The following PABPC1 variants were observed in gnomAD, a reference collection of about 807,000 sequenced individuals.
PABPC1 encodes poly(A) binding protein cytoplasmic 1, also known as polyadenylate-binding protein 1.
In PABPC1, 4 loss-of-function variants were observed where a neutral mutation model predicts 74.0. The ratio of observed to expected loss-of-function variants is 0.05; its 90% confidence interval spans 0.03 to 0.12. The LOEUF (loss-of-function observed/expected upper bound fraction) is 0.12, where lower values mean the gene tolerates loss of function less well. Ranked by LOEUF, PABPC1 falls within the 10% of genes least tolerant of loss-of-function variation. The pLI is 1.00. For synonymous variants in PABPC1, 227 were observed against 264.1 expected, an observed-to-expected ratio of 0.86 and a Z score of 1.36; for missense variants, 271 against 821.1, an observed-to-expected ratio of 0.33 and a Z score of 8.19.
intron 4 of PABPC1, among the ~76,000 whole-genome samples, chr8:100,715,158 C>CACATAT (rs1234644734): frequency 9.2e-5 from 7 of 76,218 alleles, no homozygotes; most frequent in African/African-American, 2.9e-4. Context: ...CACACACACA[C>CACATAT]ATATATATCT....
intron 7 of PABPC1, 46 bp downstream of exon 7, chr8:100,712,316 T>C: frequency 8.8e-7 from 1 of 1,138,140 alleles, no homozygotes; most frequent in Non-Finnish European, 1.3e-6. Flanking sequence ...TCTACATGTA[T>C]GAATTTTTAC....
Position 100,720,060 on chromosome 8 carries a change from G to A in PABPC1, c.193+1331C>T, listed in dbSNP as rs75211726. On this transcript the variant is annotated intron_variant, in intron 1 of 14. Coordinates refer to ENST00000318607, the MANE Select transcript of PABPC1 (RefSeq NM_002568.4). ...GTAACCTAAGTTCTACTGAATGAAT[G>A]TTAATAGGAGCTTAAATTCCACCCT... 9.8e-4 allele frequency among the ~76,000 whole-genome samples: 149 copies of A among 152,300 alleles called. 1 individual carries two copies. Among genetic ancestry groups the A allele is most frequent in the African/African-American group, 3.5e-3 (146 of 41,548 alleles).
At chr8:100,704,765 C>G (rs891513462) in intron 13 of PABPC1, among the ~76,000 whole-genome samples, 161 bp downstream of exon 13, 2 of 152,208 alleles carry the variant, frequency 1.3e-5, no homozygotes, top group African/African-American at 4.8e-5. Context: ...GTTTACCTAT[C>G]TATAAAATGG....
At chr8:100,719,562 A>C (rs1810758639) in intron 1 of PABPC1, among the ~76,000 whole-genome samples, 1 of 152,248 alleles carries the variant, frequency 6.6e-6, no homozygotes. Context: ...TAAATTGTAC[A>C]TACAGAAACT....
chr8:100,713,367 A>G (rs1223923645), intron 4 of PABPC1, among the ~76,000 whole-genome samples, 186 bp from the exon 5 acceptor site: 1 of 152,226 alleles, frequency 6.6e-6, no homozygotes, highest in Non-Finnish European at 1.5e-5. Context: ...TTAAGAAGGT[A>G]AACACCTTCC....
In PABPC1 at chr8:100,721,500, G is replaced by A; in HGVS notation, c.84C>T (p.Tyr28=). Residue 28 remains tyrosine, a synonymous_variant, in exon 1 of 15, where the codon TAC becomes TAT. Coordinates refer to ENST00000318607, the MANE Select transcript of PABPC1 (RefSeq NM_002568.4). The surrounding 1 kb of genome is among the most constrained non-coding windows in gnomAD (Gnocchi z 7.4). ...LHPDVTEAML[Y]EKFSPAGPIL... is the part of the protein sequence containing the mutation. ...TGGGCCCGGCCGGGCTGAACTTCTCGTAGAGCATCGCCTCGGTCACGTCGG... is the reference window on the plus strand; with the variant it reads ...TGGGCCCGGCCGGGCTGAACTTCTCATAGAGCATCGCCTCGGTCACGTCGG... 6 of 1,611,802 alleles carry A rather than the reference G, an allele frequency of 3.7e-6. No homozygotes were observed. The highest frequency in any genetic ancestry group is 5.1e-6 in the Non-Finnish European group (6 of 1,178,818).
chr8:100,711,580 C>G (rs1027182385), intron 7 of PABPC1, among the ~76,000 whole-genome samples: 9 of 152,216 alleles, frequency 5.9e-5, no homozygotes, highest in African/African-American at 2.2e-4. Context: ...CAAAAACATT[C>G]AGGAATAAAT....
intron 1 of PABPC1, among the ~76,000 whole-genome samples, chr8:100,718,955 A>G (rs1031348446): frequency 2.0e-5 from 3 of 152,210 alleles, no homozygotes; most frequent in African/African-American, 7.2e-5. Flanking sequence ...GAATTTTAAA[A>G]ACACCAGGTC....
rs1810463861 is a variant in PABPC1 at position 100,709,200 on chromosome 8, A to G, written c.1269T>C (p.Tyr423=). 1 of 1,614,154 alleles carries G rather than the reference A, an allele frequency of 6.2e-7. No individual in the cohort carries two copies. Among genetic ancestry groups the G allele is most frequent in the East Asian group, 2.2e-5 (1 of 44,884 alleles). The change falls in exon 9 of 15, where the codon TAT becomes TAC. Residue 423 remains tyrosine (Y), a synonymous_variant. Coordinates refer to ENST00000318607, the MANE Select transcript of PABPC1 (RefSeq NM_002568.4). ...IPQTQNRAAY[Y]PPSQIAQLRP... ...TTAGTTGAGCAATTTGGCTAGGAGG[A>G]TAGTATGCAGCACGGTTCTGAGTCT...
intron 4 of PABPC1, among the ~76,000 whole-genome samples, 155 bp downstream of exon 4, chr8:100,715,307 A>G (rs1038933680): frequency 6.6e-6 from 1 of 152,258 alleles, no homozygotes; most frequent in Non-Finnish European, 1.5e-5. Flanking sequence ...GTAGTGTAAT[A>G]GATGGCCAGC....
At chr8:100,705,360 G>A (rs554044346) in intron 12 of PABPC1, among the ~76,000 whole-genome samples, 1 of 152,306 alleles carries the variant, frequency 6.6e-6, no homozygotes, top group South Asian at 2.1e-4. Context: ...AAAATGTAGT[G>A]AGGGCCCATG....
At chr8:100,707,292 T>TAAA in intron 9 of PABPC1, 1 of 244,776 alleles carries the variant, frequency 4.1e-6, no homozygotes, top group Non-Finnish European at 8.1e-6. Flanking sequence ...CACAGAGATT[T>TAAA]AAAAAAAAAA....
chr8:100,715,707 C>T (rs577630425), intron 3 of PABPC1, 106 bp from the exon 4 acceptor site: 7 of 721,588 alleles, frequency 9.7e-6, no homozygotes, highest in Admixed American at 3.3e-5. Context: ...TATTCAGAAT[C>T]CCTAATAAAA....
chr8:100,713,003 T>G, intron 5 of PABPC1, 84 bp downstream of exon 5: 1 of 1,048,490 alleles, frequency 9.5e-7, no homozygotes, highest in Non-Finnish European at 1.4e-6. Context: ...ACATGTCAAA[T>G]AGCTATTAGT....
chr8:100,719,809 C>A (rs1810767770), intron 1 of PABPC1, among the ~76,000 whole-genome samples: 1 of 152,216 alleles, frequency 6.6e-6, no homozygotes, highest in Non-Finnish European at 1.5e-5. Flanking sequence ...TCCACCAACT[C>A]TTAGGTTGTG....
At chr8:100,711,436 G>GC (rs1206118527) in intron 7 of PABPC1, among the ~76,000 whole-genome samples, 2 of 152,184 alleles carry the variant, frequency 1.3e-5, no homozygotes, top group Non-Finnish European at 2.9e-5. Context: ...ATTGTGGCAT[G>GC]CCCCTGCACT....
intron 3 of PABPC1, 54 bp downstream of exon 3, chr8:100,717,719 G>T: frequency 2.8e-6 from 3 of 1,054,010 alleles, no homozygotes; most frequent in Admixed American, 2.0e-5. Context: ...GAATGGATTT[G>T]GAATTATTAA....
At chr8:100,704,067 A>AAC (rs890746859) in intron 14 of PABPC1, 1 of 401,470 alleles carries the variant, frequency 2.5e-6, no homozygotes, top group African/African-American at 2.2e-5. Context: ...AAAAAAAAAA[A>AAC]AAAAAAAACA....
At chr8:100,704,208 T>C (rs2129662998) in intron 14 of PABPC1, 89 bp downstream of exon 14, 2 of 950,890 alleles carry the variant, frequency 2.1e-6, no homozygotes, top group South Asian at 1.4e-5. Context: ...AATGATCTTT[T>C]GCTATGTACA....
Sources: gnomAD v4.1 joint callset for allele counts (sites outside exome capture counted in the v4.1 genomes callset) on GRCh38, gnomAD v4.1.1 for gene constraint, Gnocchi (gnomAD v3.1) non-coding constraint, MANE v1.5 for transcripts, NCBI Gene and HGNC (gene_info 2026-07-23, HGNC 2026-07-21) for gene names.